CHODL: variants seen among roughly 807,000 people sequenced by gnomAD.
CHODL encodes the protein transmembrane protein MT75.
In CHODL, 29 loss-of-function variants were observed where a neutral mutation model predicts 34.5. The ratio of observed to expected loss-of-function variants is 0.84; its 90% CI spans 0.63 to 1.15. CHODL has a LOEUF of 1.15. Among genes scored for constraint, CHODL ranks in the 50% most tolerant of loss-of-function variants. The pLI is 0.00. For missense variants in CHODL, 332 were observed against 332.5 expected (o/e 1.00, Z 0.01); for synonymous variants, 125 against 116.1 (o/e 1.08, Z -0.49).
intron 2 of CHODL, among the ~76,000 whole-genome samples, chr21:18,218,739 C>T (rs547991998): frequency 1.4e-4 from 22 of 152,180 alleles, no homozygotes; most frequent in African/African-American, 4.1e-4. Context: ...TTTCTTCCAC[C>T]GGTCAAGTTC....
intron 2 of CHODL, among the ~76,000 whole-genome samples, chr21:18,042,515 A>G (rs1031667898): frequency 6.6e-6 from 1 of 152,010 alleles, no homozygotes; most frequent in African/African-American, 2.4e-5. Context: ...AGCACAGAGG[A>G]GTTATAAAAC....
chr21:17,968,951 C>T (rs1184710210), intron 1 of CHODL, among the ~76,000 whole-genome samples: 1 of 152,130 alleles, frequency 6.6e-6, no homozygotes, highest in East Asian at 1.9e-4. Flanking sequence ...TAGGAACCAT[C>T]AATGGTTTTC....
At chr21:18,058,031 CTA>C (rs899157143) in intron 2 of CHODL, among the ~76,000 whole-genome samples, 1 of 152,084 alleles carries the variant, frequency 6.6e-6, no homozygotes, top group Admixed American at 6.6e-5. Context: ...TTATTGTTAA[CTA>C]TAGTCATCCT....
chr21:18,008,865 T>C (rs1390009353), intron 1 of CHODL, among the ~76,000 whole-genome samples: 1 of 152,218 alleles, frequency 6.6e-6, no homozygotes, highest in Non-Finnish European at 1.5e-5. Context: ...AGTTGTTCTT[T>C]GAAAAACTTC....
chr21:17,929,114 C>A (rs1247813897), intron 1 of CHODL, among the ~76,000 whole-genome samples: 1 of 152,124 alleles, frequency 6.6e-6, no homozygotes. Flanking sequence ...TTTACTTGTT[C>A]CATGTGAAAA....
intron 2 of CHODL, among the ~76,000 whole-genome samples, chr21:18,094,240 G>A (rs533281891): frequency 4.6e-5 from 7 of 151,988 alleles, no homozygotes; most frequent in Non-Finnish European, 1.0e-4. Flanking sequence ...TATAGCTAAA[G>A]AGAGAGATAT....
intron 2 of CHODL, among the ~76,000 whole-genome samples, chr21:18,078,107 C>G (rs762731014): frequency 1.3e-5 from 2 of 152,114 alleles, no homozygotes; most frequent in Non-Finnish European, 2.9e-5. Context: ...TAGCCTTCTT[C>G]ATTTGTAAAA....
chr21:18,133,314 T>G (rs2072680386), intron 2 of CHODL, among the ~76,000 whole-genome samples: 1 of 152,194 alleles, frequency 6.6e-6, no homozygotes, highest in Non-Finnish European at 1.5e-5. Context: ...TATATAATTA[T>G]GTAACTTAAG....
intron 2 of CHODL, among the ~76,000 whole-genome samples, chr21:18,150,515 T>C (rs2146625695): frequency 6.6e-6 from 1 of 152,274 alleles, no homozygotes; most frequent in South Asian, 2.1e-4. Context: ...TGGGTTCTGC[T>C]GATGGGCCTT....
intron 2 of CHODL, among the ~76,000 whole-genome samples, chr21:18,202,000 C>T (rs556237139): frequency 8.4e-4 from 128 of 151,762 alleles, no homozygotes; most frequent in Non-Finnish European, 1.2e-3. Context: ...AGAGACGGGG[C>T]TTCACCATGT....
intron 2 of CHODL, among the ~76,000 whole-genome samples, chr21:18,170,247 C>T (rs1233025736): frequency 6.6e-6 from 1 of 151,892 alleles, no homozygotes; most frequent in South Asian, 2.1e-4. Flanking sequence ...CTGCTGTTCT[C>T]CTTTGGTTGC....
intron 1 of CHODL, among the ~76,000 whole-genome samples, chr21:17,933,538 A>G (rs1278651469): frequency 6.6e-6 from 1 of 152,202 alleles, no homozygotes; most frequent in Admixed American, 6.5e-5. Flanking sequence ...CACATGTTTC[A>G]GAGAGCACGG....
intron 2 of CHODL, among the ~76,000 whole-genome samples, chr21:18,210,542 G>A (rs1426608711): frequency 6.6e-6 from 1 of 152,170 alleles, no homozygotes; most frequent in Non-Finnish European, 1.5e-5. Flanking sequence ...GACAACTGGT[G>A]AAGTCTTGTA....
chr21:18,211,849 A>AT (rs1568939286), intron 2 of CHODL, among the ~76,000 whole-genome samples: 1 of 152,098 alleles, frequency 6.6e-6, no homozygotes, highest in African/African-American at 2.4e-5. Context: ...TGCTAGTTGC[A>AT]TTTTTTTATT....
chr21:18,175,283 G>A (rs1389838650), intron 2 of CHODL, among the ~76,000 whole-genome samples: 1 of 151,962 alleles, frequency 6.6e-6, no homozygotes, highest in Non-Finnish European at 1.5e-5. Flanking sequence ...TCATTCATTT[G>A]GCAAATATTT....
chr21:18,227,163 T>G (rs975832026), intron 2 of CHODL, among the ~76,000 whole-genome samples: 1 of 152,136 alleles, frequency 6.6e-6, no homozygotes, highest in African/African-American at 2.4e-5. Context: ...ATTCTATTCA[T>G]GAGGGCTTTG....
intron 2 of CHODL, among the ~76,000 whole-genome samples, chr21:18,084,391 G>T (rs75812776): frequency 1.3e-5 from 2 of 151,988 alleles, no homozygotes; most frequent in African/African-American, 4.8e-5. Context: ...CTTTTTTGAC[G>T]TAGGTATTTA....
chr21:18,145,992 G>T (rs2072881966), intron 2 of CHODL, among the ~76,000 whole-genome samples: 1 of 151,880 alleles, frequency 6.6e-6, no homozygotes, highest in Non-Finnish European at 1.5e-5. Context: ...TTTTTGAGAC[G>T]GAGTCTCACT....
chr21:17,976,052 G>A (rs952281345), intron 1 of CHODL, among the ~76,000 whole-genome samples: 24 of 151,578 alleles, frequency 1.6e-4, no homozygotes, highest in African/African-American at 4.6e-4. Context: ...TTAATATGAC[G>A]AAACTCTAAA....
Sources: gnomAD v4.1 joint callset for allele counts (sites outside exome capture counted in the v4.1 genomes callset) on GRCh38, gnomAD v4.1.1 for gene constraint, MANE v1.5 for transcripts, NCBI Gene and HGNC (gene_info 2026-07-23, HGNC 2026-07-21) for gene names.